Variants in RANBP2 observed in about 807,000 individuals in gnomAD.
RANBP2 encodes the protein E3 SUMO-protein ligase RanBP2.
RANBP2 carries 57 observed loss-of-function variants against 303.6 expected under a neutral mutation model. The ratio of observed to expected loss-of-function variants is 0.19; its 90% CI spans 0.15 to 0.23. The LOEUF (loss-of-function observed/expected upper bound fraction) is 0.23, where lower values mean the gene tolerates loss of function less well. RANBP2 is among the 10% of genes least tolerant of loss of function. The pLI, the probability that RANBP2 is intolerant of heterozygous loss-of-function variation, is 1.00. For synonymous variants in RANBP2, 1,167 were observed against 1,301.5 expected (o/e 0.90, Z 2.23); for missense variants, 3,138 against 3,780.8 (o/e 0.83, Z 4.46).
chr2:108,811,247 C>CTCTTTTTTT, the RANBP2 span, among the ~76,000 whole-genome samples: 17 of 113,834 alleles, frequency 1.5e-4, no homozygotes, highest in African/African-American at 3.8e-4. Flanking sequence ...TTCTCTCTCT[C>CTCTTTTTTT]TTTTTTTTTT....
the RANBP2 span, among the ~76,000 whole-genome samples, chr2:108,921,696 C>G: frequency 2.6e-5 from 4 of 152,284 alleles, no homozygotes; most frequent in South Asian, 8.3e-4. Context: ...GGATTGAGAC[C>G]AGGGCAGGCC....
chr2:109,055,192 A>G, the RANBP2 span, among the ~76,000 whole-genome samples: 1 of 152,108 alleles, frequency 6.6e-6, no homozygotes, highest in Non-Finnish European at 1.5e-5. Flanking sequence ...ATTCATATAT[A>G]TTCTTTTCTG....
At chr2:109,117,684 C>T in the RANBP2 span, among the ~76,000 whole-genome samples, 12 of 152,296 alleles carry the variant, frequency 7.9e-5, no homozygotes, top group East Asian at 1.9e-4. Flanking sequence ...GAGATGAACC[C>T]GGTACCTCAG....
chr2:109,316,732 C>T, the RANBP2 span, among the ~76,000 whole-genome samples: 309 of 152,278 alleles, frequency 2.0e-3, 2 homozygotes, highest in African/African-American at 7.3e-3. Flanking sequence ...ATCTATAATG[C>T]GATGTATCCA....
At chr2:109,176,561 A>G in the RANBP2 span, among the ~76,000 whole-genome samples, 20 of 152,300 alleles carry the variant, frequency 1.3e-4, no homozygotes, top group African/African-American at 3.8e-4. Flanking sequence ...ATGAGACCCT[A>G]TCCCTACAAA....
the RANBP2 span, chr2:108,895,504 T>C: frequency 5.3e-5 from 8 of 152,250 alleles, no homozygotes; most frequent in Admixed American, 5.2e-4. Context: ...ATAAATGTTA[T>C]GTCAAACCAT....
downstream of RANBP2, chr2:108,789,074 G>A: frequency 8.9e-7 from 1 of 1,118,288 alleles, no homozygotes; most frequent in Non-Finnish European, 1.3e-6. Context: ...ACAAGTATGA[G>A]GACAAGTATA....
chr2:109,142,904 C>T, the RANBP2 span, among the ~76,000 whole-genome samples: 5 of 152,168 alleles, frequency 3.3e-5, no homozygotes, highest in African/African-American at 1.2e-4. Flanking sequence ...AGGATGTCGG[C>T]TTTCAAGGTG....
At chr2:109,710,289 G>A in the RANBP2 span, among the ~76,000 whole-genome samples, 23 of 151,956 alleles carry the variant, frequency 1.5e-4, no homozygotes, top group Middle Eastern at 6.8e-3. Context: ...GGCTGAGGTG[G>A]GAGAATTGCT....
chr2:109,425,031 G>A, the RANBP2 span, among the ~76,000 whole-genome samples: 1 of 152,188 alleles, frequency 6.6e-6, no homozygotes, highest in Non-Finnish European at 1.5e-5. Context: ...GCTACTCCAG[G>A]GAACACACGA....
the RANBP2 span, among the ~76,000 whole-genome samples, chr2:109,056,349 G>A: frequency 6.6e-6 from 1 of 151,800 alleles, no homozygotes; most frequent in Non-Finnish European, 1.5e-5. Context: ...GAATTTTTTT[G>A]TAGAGACGGG....
In RANBP2 at chr2:108,755,420, T is replaced by A. The variant is rs555479468; in HGVS notation, c.2466+161T>A. Reference sequence around the variant, plus strand: ...TTTTTTTTTTTTTTAAGACAGGGTCTTGTTCTGTTGTGCAGGCTGGAGTAC... The same window carrying A: ...TTTTTTTTTTTTTTAAGACAGGGTCATGTTCTGTTGTGCAGGCTGGAGTAC... On this transcript the variant is annotated intron_variant, in intron 17 of 28. Transcript: ENST00000283195. Among the ~76,000 whole-genome samples, 888 of 151,702 alleles carry A rather than the reference T, an allele frequency of 5.9e-3. 9 individuals are homozygous for A. Among genetic ancestry groups the A allele is most frequent in the African/African-American group, 0.021 (849 of 41,326 alleles).
At chr2:109,105,854 CTTTTTTT>C in the RANBP2 span, among the ~76,000 whole-genome samples, 10 of 124,968 alleles carry the variant, frequency 8.0e-5, no homozygotes, top group East Asian at 2.4e-4. Flanking sequence ...CGCGCCTGGT[CTTTTTTT>C]TTTTTTTTTT....
the RANBP2 span, among the ~76,000 whole-genome samples, chr2:109,359,828 A>C: frequency 6.6e-6 from 1 of 152,188 alleles, no homozygotes; most frequent in African/African-American, 2.4e-5. Context: ...TATTTTCCAC[A>C]CATGCCCAGA....
At chr2:109,667,323 G>A in the RANBP2 span, 76 of 585,448 alleles carry the variant, frequency 1.3e-4, no homozygotes, top group Non-Finnish European at 2.2e-4. Flanking sequence ...CTGCCATTTA[G>A]AGAGGAAAAT....
At chr2:109,160,299 A>C in the RANBP2 span, among the ~76,000 whole-genome samples, 1 of 152,198 alleles carries the variant, frequency 6.6e-6, no homozygotes, top group Non-Finnish European at 1.5e-5. Flanking sequence ...AAGACAGAGG[A>C]GGCCAGAGAG....
chr2:109,729,992 AACTC>A, the RANBP2 span, among the ~76,000 whole-genome samples: 8 of 152,328 alleles, frequency 5.3e-5, no homozygotes, highest in South Asian at 6.2e-4. Flanking sequence ...ATCTTGCCAG[AACTC>A]ACTCAGTATC....
the RANBP2 span, among the ~76,000 whole-genome samples, chr2:108,886,981 T>C: frequency 1.2e-4 from 18 of 152,184 alleles, no homozygotes; most frequent in African/African-American, 4.3e-4. Flanking sequence ...GAGTTTTCCC[T>C]AGGCTTTCTT....
At chr2:109,008,963 A>G in the RANBP2 span, among the ~76,000 whole-genome samples, 6 of 152,116 alleles carry the variant, frequency 3.9e-5, no homozygotes, top group South Asian at 1.2e-3. Flanking sequence ...CTTTATATCT[A>G]ATACTATTTA....
Sources: gnomAD v4.1 joint callset for allele counts (sites outside exome capture counted in the v4.1 genomes callset) on GRCh38, gnomAD v4.1.1 for gene constraint, MANE v1.5 for transcripts, NCBI Gene and HGNC (gene_info 2026-07-23, HGNC 2026-07-21) for gene names.